The following EIF2AK1 variants were observed in gnomAD, a reference collection of about 807,000 sequenced individuals.
EIF2AK1 encodes eukaryotic translation initiation factor 2-alpha kinase 1.
EIF2AK1 carries 54 observed loss-of-function variants against 77.9 expected under a neutral mutation model. The ratio of observed to expected loss-of-function variants is 0.69; its 90% CI spans 0.56 to 0.87. EIF2AK1 has a LOEUF of 0.87. EIF2AK1 is among the 40% of genes least tolerant of loss of function. The pLI is 0.00. For missense variants in EIF2AK1, 810 were observed against 768.6 expected, an observed-to-expected ratio of 1.05 and a Z score of -0.64; for synonymous variants, 314 against 290.5, an observed-to-expected ratio of 1.08 and a Z score of -0.82.
chr7:6,054,597 A>C lies in EIF2AK1; in HGVS notation c.226T>G (p.Leu76Val), dbSNP rs778329207. 2 of 1,614,080 alleles carry C rather than the reference A, an allele frequency of 1.2e-6. No individual in the cohort carries two copies. Among genetic ancestry groups the C allele is most frequent in the Admixed American group, 1.7e-5 (1 of 59,978 alleles). Residue 76 changes from leucine to valine, a missense_variant, in exon 2 of 15, where the codon TTG becomes GTG. Transcript: ENST00000199389. Reference sequence around the variant, plus strand: ...GGGTTTGGTTCATGCACGTGGCTCAAGTGCTCCAGCAAAGAAACCAGCAAG... The same window carrying C: ...GGGTTTGGTTCATGCACGTGGCTCACGTGCTCCAGCAAAGAAACCAGCAAG... Reference protein sequence around the residue: ...QLLLVSLLEHLSHVHEPNPLR... With the variant: ...QLLLVSLLEHVSHVHEPNPLR...
At position 6,035,429 on chromosome 7, in the gene EIF2AK1, C is replaced by A. The variant is rs1034926836; in HGVS notation, c.1332+1995G>T. On this transcript the variant is annotated intron_variant, in intron 11 of 14. Coordinates refer to ENST00000199389, the MANE Select transcript of EIF2AK1 (RefSeq NM_014413.4). This position sits in a 1 kb window ranked among gnomAD's most constrained non-coding sequence, Gnocchi z 5.5. Reference sequence around the variant, plus strand: ...CTGTGAATTCAGTGTAACGTGTAATCAATACCCATTCTAGGGACACGACAG... The same window carrying A: ...CTGTGAATTCAGTGTAACGTGTAATAAATACCCATTCTAGGGACACGACAG... The A allele has an allele frequency of 6.3e-5, 98 of 1,544,062 alleles. No individual in the cohort carries two copies. Among genetic ancestry groups the A allele is most frequent in the Non-Finnish European group, 8.6e-5 (98 of 1,142,270 alleles).
chr7:6,031,701 A>C, intron 11 of EIF2AK1: 4 of 1,014,490 alleles, frequency 3.9e-6, no homozygotes, highest in East Asian at 2.7e-5. Context: ...TGAGAATGAG[A>C]CACGACTCCA....
chr7:6,035,571 T>C lies in EIF2AK1; in HGVS notation c.1332+1853A>G, dbSNP rs1788054039. ...AGACATTCAGAATAGCAGCATCACA[T>C]GTCTCCGCATCTTGTGTGCGCACGG... is the stretch of plus-strand genomic sequence containing the variant. On this transcript the variant is annotated intron_variant, in intron 11 of 14. Transcript: ENST00000199389. The surrounding 1 kb of genome is among the most constrained non-coding windows in gnomAD (Gnocchi z 5.5). 3 of 1,551,100 alleles carry C rather than the reference T, an allele frequency of 1.9e-6. No individual in the cohort carries two copies. Among genetic ancestry groups the C allele is most frequent in the Non-Finnish European group, 2.6e-6 (3 of 1,147,092 alleles).
Position 6,032,972 on chromosome 7 carries a change from T to C in EIF2AK1, c.1333-3940A>G, listed in dbSNP as rs957313533. On this transcript the variant is annotated intron_variant, in intron 11 of 14. Coordinates refer to ENST00000199389, the MANE Select transcript of EIF2AK1 (RefSeq NM_014413.4). This position sits in a 1 kb window ranked among gnomAD's most constrained non-coding sequence, Gnocchi z 4.3. The stretch of plus-strand genomic sequence containing the variant: ...TCCACCGAAAATCATTTCTTTTTTT[T>C]TCTTTTTTGTTTTGAGGCAGGGGTC... 2.0e-6 allele frequency: 3 copies of C among 1,524,376 alleles called. No individual in the cohort carries two copies. The highest frequency in any genetic ancestry group is 2.8e-5 in the African/African-American group (2 of 72,340). The allele number at this position is 1,524,376 out of a possible 1,614,324, so 94.4% of individuals were successfully genotyped here.
In EIF2AK1 at chr7:6,059,018, A is replaced by G. The variant is rs1331288843; in HGVS notation, c.66T>C (p.Ala22=). 1.3e-6 allele frequency: 2 copies of G among 1,541,630 alleles called. No homozygotes were observed. The highest frequency in any genetic ancestry group is 3.9e-5 in the Admixed American group (2 of 50,828). ...CGGGAAAGTCGATGGCCGGCGGCGC[A>G]GCCACAGCCCCAGCCCCGTCGCCCT... ...EEEGDGAGAV[A]APPAIDFPAE... The change falls in exon 1 of 15, where the codon GCT becomes GCC. Residue 22 remains alanine, a synonymous_variant. Transcript: ENST00000199389.
intron 13 of EIF2AK1, among the ~76,000 whole-genome samples, 163 bp downstream of exon 13, chr7:6,028,452 A>G (rs1214115712): frequency 1.3e-5 from 2 of 152,224 alleles, no homozygotes; most frequent in Non-Finnish European, 2.9e-5. Context: ...AGGTTTCACC[A>G]TGTTGACCAG....
chr7:6,035,559 A>G lies in EIF2AK1; in HGVS notation c.1332+1865T>C, dbSNP rs1788053578. ...CAGGATCCTGACAGACATTCAGAAT[A>G]GCAGCATCACATGTCTCCGCATCTT... On this transcript the variant is annotated intron_variant, in intron 11 of 14. Transcript: ENST00000199389. This position sits in a 1 kb window ranked among gnomAD's most constrained non-coding sequence, Gnocchi z 5.5. 6.4e-7 allele frequency: 1 copy of G among 1,551,264 alleles called. No homozygotes were observed. Among genetic ancestry groups the G allele is most frequent in the Non-Finnish European group, 8.7e-7 (1 of 1,147,140 alleles).
chr7:6,034,248 A>C (rs1360665138), intron 11 of EIF2AK1, among the ~76,000 whole-genome samples: 1 of 152,004 alleles, frequency 6.6e-6, no homozygotes, highest in Non-Finnish European at 1.5e-5. Context: ...CAGCAGTTGC[A>C]GTGAGCCAAA....
At chr7:6,031,305 A>G in intron 11 of EIF2AK1, 1 of 1,382,190 alleles carries the variant, frequency 7.2e-7, no homozygotes, top group African/African-American at 1.4e-5. Flanking sequence ...GAACTGAAAG[A>G]ATCATCACAA....
intron 7 of EIF2AK1, among the ~76,000 whole-genome samples, chr7:6,044,239 C>T (rs998399362): frequency 4.6e-5 from 7 of 151,764 alleles, no homozygotes; most frequent in African/African-American, 7.3e-5. Flanking sequence ...CCGAGGCGGG[C>T]GAATCACGAG....
In EIF2AK1 at chr7:6,035,448, A is replaced by C; in HGVS notation, c.1332+1976T>G. 6.5e-7 allele frequency: 1 copy of C among 1,549,114 alleles called. No homozygotes were observed. Among genetic ancestry groups the C allele is most frequent in the Non-Finnish European group, 8.7e-7 (1 of 1,145,664 alleles). On this transcript the variant is annotated intron_variant, in intron 11 of 14. Coordinates refer to ENST00000199389, the MANE Select transcript of EIF2AK1 (RefSeq NM_014413.4). The surrounding 1 kb of genome is among the most constrained non-coding windows in gnomAD (Gnocchi z 5.5). ...TGTAATCAATACCCATTCTAGGGAC[A>C]CGACAGGCCTCACCACACTCAACTT...
chr7:6,030,458 CTT>C (rs1323946370), intron 11 of EIF2AK1, among the ~76,000 whole-genome samples: 2 of 152,134 alleles, frequency 1.3e-5, no homozygotes, highest in Non-Finnish European at 2.9e-5. Context: ...TAAGTTCACT[CTT>C]TGGGTTTGGA....
chr7:6,045,828 G>A (rs1279656500), intron 6 of EIF2AK1, among the ~76,000 whole-genome samples: 3 of 151,020 alleles, frequency 2.0e-5, no homozygotes, highest in African/African-American at 7.3e-5. Context: ...AACCCTGCGG[G>A]GCGGAGGCTG....
rs928814378 is a variant in EIF2AK1 at position 6,033,832 on chromosome 7, G to A, written c.1332+3592C>T. ...GATCCGTCCACCTCAGCCTCCCAAA[G>A]TGCTGGGATTACAGGCGTGAGCCGC... On this transcript the variant is annotated intron_variant, in intron 11 of 14. Transcript: ENST00000199389. The surrounding 1 kb of genome is among the most constrained non-coding windows in gnomAD (Gnocchi z 4.4). Among the ~76,000 whole-genome samples, 3 of 151,772 alleles carry A rather than the reference G, an allele frequency of 2.0e-5. No homozygotes were observed. The highest frequency in any genetic ancestry group is 7.3e-5 in the African/African-American group (3 of 41,338).
At chr7:6,055,439 A>G (rs1788724024) in intron 1 of EIF2AK1, among the ~76,000 whole-genome samples, 1 of 151,704 alleles carries the variant, frequency 6.6e-6, no homozygotes, top group Non-Finnish European at 1.5e-5. Context: ...ACTTATCTAC[A>G]TGTACAATCT....
rs748667372 is a variant in EIF2AK1, at chr7:6,058,927, G to GA, written c.118+38dup. On this transcript the variant is annotated intron_variant, in intron 1 of 14. Transcript: ENST00000199389. ...TGCCGCCCAGAAACGCAGGTGGACA[G>GA]AGAGAGCAGAGCGGCGACGCCGCGA... 27 of 1,473,770 alleles carry GA rather than the reference G, an allele frequency of 1.8e-5. No homozygotes were observed. In the Admixed American group the frequency reaches 6.4e-4, roughly 35 times the overall value. The allele number at this position is 1,473,770 out of a possible 1,614,324, so 91.3% of individuals were successfully genotyped here.
At position 6,040,968 on chromosome 7, in the gene EIF2AK1, T is replaced by A. The variant is rs1207611879; in HGVS notation, c.1043A>T (p.Asn348Ile). The A allele has an allele frequency of 1.9e-6, 3 of 1,614,170 alleles. No homozygotes were observed. Among genetic ancestry groups the A allele is most frequent in the Non-Finnish European group, 2.5e-6 (3 of 1,180,038 alleles). The change falls in exon 9 of 15, where the codon AAT becomes ATT. Residue 348 changes from asparagine (N) to isoleucine (I), a missense_variant. By Grantham distance (149) the Asn-to-Ile change is moderately radical. Transcript: ENST00000199389. ...IVEQQLPLRR[N>I]SHLEESFTST... Reference sequence around the variant, plus strand: ...TGTGAAACTCTCCTCTAGGTGGGAATTACGCCTGAGTGGCAGCTGCTGTTC... The same window carrying A: ...TGTGAAACTCTCCTCTAGGTGGGAAATACGCCTGAGTGGCAGCTGCTGTTC...
At chr7:6,048,964 T>A in intron 3 of EIF2AK1, 120 bp from the exon 4 acceptor site, 1 of 657,414 alleles carries the variant, frequency 1.5e-6, no homozygotes, top group Non-Finnish European at 2.6e-6. Context: ...TAAAAACCAC[T>A]GGCTTTTTCA....
chr7:6,023,199 T>C lies in EIF2AK1; in HGVS notation c.*1474A>G, dbSNP rs1562734880. 7.6e-7 allele frequency: 1 copy of C among 1,318,324 alleles called. No individual in the cohort carries two copies. The highest frequency in any genetic ancestry group is 1.0e-6 in the Non-Finnish European group (1 of 973,672). The allele number at this position is 1,318,324 out of a possible 1,614,324, so 81.7% of individuals were successfully genotyped here. On this transcript the variant is annotated 3_prime_UTR_variant, in exon 15 of 15. Coordinates refer to ENST00000199389, the MANE Select transcript of EIF2AK1 (RefSeq NM_014413.4). ...TTCTTCTTGAAAACACCCTTTCCCA[T>C]GTCATCAGTCTGTGGTGTTTGGTGA... is the stretch of plus-strand genomic sequence containing the variant.
Sources: gnomAD v4.1 joint callset for allele counts (sites outside exome capture counted in the v4.1 genomes callset) on GRCh38, gnomAD v4.1.1 for gene constraint, Gnocchi (gnomAD v3.1) non-coding constraint, MANE v1.5 for transcripts, NCBI Gene and HGNC (gene_info 2026-07-23, HGNC 2026-07-21) for gene names.